THSD7A: variants seen among roughly 807,000 people sequenced by gnomAD.
THSD7A encodes the protein thrombospondin type-1 domain-containing protein 7A.
In THSD7A, 96 loss-of-function variants were observed where a neutral mutation model predicts 231.3. That is an observed-to-expected ratio of 0.41 (90% CI 0.35 to 0.49). THSD7A has a LOEUF of 0.49. Among genes scored for constraint, THSD7A ranks in the 20% least tolerant of loss-of-function variants. THSD7A has a pLI of 0.05. For missense variants in THSD7A, 2,290 were observed against 2,070.2 expected, an observed-to-expected ratio of 1.11 and a Z score of -2.06; for synonymous variants, 940 against 743.3, an observed-to-expected ratio of 1.26 and a Z score of -4.30.
intron 6 of THSD7A, among the ~76,000 whole-genome samples, chr7:11,499,473 A>G (rs1165718432): frequency 6.6e-6 from 1 of 152,220 alleles, no homozygotes; most frequent in African/African-American, 2.4e-5. Flanking sequence ...ACCAGACTCA[A>G]CTGGCTGAAA....
intron 1 of THSD7A, among the ~76,000 whole-genome samples, chr7:11,689,753 G>C (rs1780174386): frequency 6.7e-6 from 1 of 148,334 alleles, no homozygotes; most frequent in African/African-American, 2.5e-5. Flanking sequence ...GGTGAATATA[G>C]CTTTTTATGT....
rs1471652789 is a variant in THSD7A, at chr7:11,815,678, T to C, written c.190+16079A>G. 3.3e-5 allele frequency among the ~76,000 whole-genome samples: 5 copies of C among 152,284 alleles called. No individual in the cohort carries two copies. The East Asian group carries it at 9.6e-4, about 29-fold the overall frequency. ...TAGTTCATTTAGATGAACAATCATATAAAACTCATATATTCACATCTGACT... is the reference window on the plus strand; with the variant it reads ...TAGTTCATTTAGATGAACAATCATACAAAACTCATATATTCACATCTGACT... On this transcript the variant is annotated intron_variant, in intron 1 of 27. Coordinates refer to ENST00000423059, the MANE Select transcript of THSD7A (RefSeq NM_015204.3).
chr7:11,715,384 T>C (rs144723021), intron 1 of THSD7A, among the ~76,000 whole-genome samples: 9 of 151,432 alleles, frequency 5.9e-5, no homozygotes, highest in Non-Finnish European at 1.3e-4. Context: ...TTCTAAAATA[T>C]GCAGGAAAAA....
intron 8 of THSD7A, 34 bp from the exon 9 acceptor site, chr7:11,470,028 T>C (rs746600277): frequency 8.4e-5 from 115 of 1,371,772 alleles, no homozygotes; most frequent in Middle Eastern, 1.8e-4. Context: ...TAGGCTTCAA[T>C]AGTAAAGCAG....
intron 2 of THSD7A, among the ~76,000 whole-genome samples, chr7:11,597,893 C>T (rs1372378469): frequency 6.6e-6 from 1 of 152,182 alleles, no homozygotes; most frequent in Non-Finnish European, 1.5e-5. Flanking sequence ...ACTCCTGCCA[C>T]CCTGCCTTCT....
Position 11,474,395 on chromosome 7 carries a change from C to G in THSD7A, c.2191G>C (p.Gly731Arg). 4 of 1,613,424 alleles carry G rather than the reference C, an allele frequency of 2.5e-6. No individual in the cohort carries two copies. Among genetic ancestry groups the G allele is most frequent in the Non-Finnish European group, 3.4e-6 (4 of 1,179,564 alleles). Residue 731 changes from glycine (G) to arginine (R), a missense_variant, in exon 8 of 28, where the codon GGC becomes CGC. Gly to Arg is a moderately radical substitution (Grantham distance 125). Transcript: ENST00000423059. The surrounding 1 kb of genome is among the most constrained non-coding windows in gnomAD (Gnocchi z 4.1). ...TWNGEASCSV[G>R]MQTRKVICVR... ...CAGATGACTTTTCTTGTCTGCATGC[C>G]GACAGAGCAGGAGGCCTCCCCATTC...
intron 7 of THSD7A, among the ~76,000 whole-genome samples, chr7:11,478,873 A>G (rs1399414560): frequency 6.6e-6 from 1 of 152,184 alleles, no homozygotes; most frequent in African/African-American, 2.4e-5. Context: ...ATTTTAGCAC[A>G]CAATAGGATT....
At position 11,570,341 on chromosome 7, in the gene THSD7A, A is replaced by G. The variant is rs542839953; in HGVS notation, c.1453+20119T>C. Among the ~76,000 whole-genome samples, 7 of 152,288 alleles carry G rather than the reference A, an allele frequency of 4.6e-5. No homozygotes were observed. The East Asian group carries it at 5.8e-4, about 13-fold the overall frequency. On this transcript the variant is annotated intron_variant, in intron 4 of 27. Transcript: ENST00000423059. Reference sequence around the variant, plus strand: ...GAAAGTAGAATGATAGTTACCAGAGACAGAGAAGGGTAGTGGAAAGAGGGG... The same window carrying G: ...GAAAGTAGAATGATAGTTACCAGAGGCAGAGAAGGGTAGTGGAAAGAGGGG...
intron 1 of THSD7A, among the ~76,000 whole-genome samples, chr7:11,740,362 T>A (rs906469040): frequency 5.3e-5 from 8 of 151,986 alleles, no homozygotes; most frequent in African/African-American, 1.7e-4. Flanking sequence ...CTATCTACAT[T>A]GCACAGTGAT....
chr7:11,418,982 TA>T (rs1784051466), intron 16 of THSD7A, among the ~76,000 whole-genome samples: 1 of 152,098 alleles, frequency 6.6e-6, no homozygotes, highest in Non-Finnish European at 1.5e-5. Flanking sequence ...TCAATATCAT[TA>T]AAAAAATGTT....
At chr7:11,633,556 G>A (rs1228092692) in intron 2 of THSD7A, among the ~76,000 whole-genome samples, 1 of 152,166 alleles carries the variant, frequency 6.6e-6, no homozygotes, top group Non-Finnish European at 1.5e-5. Context: ...GAGATTCTGA[G>A]TGTTCATGAA....
At chr7:11,553,658 A>G (rs972341247) in intron 4 of THSD7A, among the ~76,000 whole-genome samples, 2 of 152,054 alleles carry the variant, frequency 1.3e-5, no homozygotes, top group Non-Finnish European at 2.9e-5. Context: ...CTTAATTTAA[A>G]GAGGATTCAA....
At chr7:11,774,844 C>T (rs1430270367) in intron 1 of THSD7A, among the ~76,000 whole-genome samples, 7 of 152,120 alleles carry the variant, frequency 4.6e-5, no homozygotes, top group Admixed American at 3.3e-4. Flanking sequence ...CACCTGAGGA[C>T]GGGAGTTCGA....
intron 6 of THSD7A, among the ~76,000 whole-genome samples, chr7:11,487,164 T>C (rs1786691522): frequency 6.6e-6 from 1 of 152,184 alleles, no homozygotes; most frequent in Non-Finnish European, 1.5e-5. Context: ...TCTATTTTCA[T>C]GAATGCCACC....
intron 1 of THSD7A, among the ~76,000 whole-genome samples, chr7:11,639,679 T>A (rs1782006080): frequency 6.6e-6 from 1 of 151,562 alleles, no homozygotes; most frequent in South Asian, 2.1e-4. Context: ...AAAAAAATAA[T>A]AATAATAAAT....
Position 11,740,303 on chromosome 7 carries a change from T to C in THSD7A, c.190+91454A>G, listed in dbSNP as rs115656412. Among the ~76,000 whole-genome samples the C allele has an allele frequency of 9.6e-3, 1,453 of 151,994 alleles. 16 individuals are homozygous for C. The highest frequency in any genetic ancestry group is 0.033 in the African/African-American group (1,373 of 41,484). On this transcript the variant is annotated intron_variant, in intron 1 of 27. Coordinates refer to ENST00000423059, the MANE Select transcript of THSD7A (RefSeq NM_015204.3). The stretch of plus-strand genomic sequence containing the variant: ...TCCCAGAGACGGGGACAGCTGAGCA[T>C]ATCTGACGAGGTACATGAGAGAAAT...
chr7:11,741,226 T>C (rs933775811), intron 1 of THSD7A, among the ~76,000 whole-genome samples: 1 of 151,978 alleles, frequency 6.6e-6, no homozygotes, highest in African/African-American at 2.4e-5. Context: ...ATGTTTTCAC[T>C]ATATTAGAGT....
At chr7:11,689,188 G>T (rs1238812844) in intron 1 of THSD7A, among the ~76,000 whole-genome samples, 4 of 151,806 alleles carry the variant, frequency 2.6e-5, no homozygotes, top group African/African-American at 7.2e-5. Context: ...ATTTGAAAAA[G>T]CATCTGCCCA....
Position 11,411,083 on chromosome 7 carries a change from T to G in THSD7A, c.3798+124A>C. On this transcript the variant is annotated intron_variant, in intron 19 of 27. Transcript: ENST00000423059. The surrounding 1 kb of genome is among the most constrained non-coding windows in gnomAD (Gnocchi z 4.1). ...TCTTTTCAAGAACATACTTAGCCTG[T>G]GAACAGTGCAGAAAAACATCTGCTG... 1 of 655,370 alleles carries G rather than the reference T, an allele frequency of 1.5e-6. No homozygotes were observed. Among genetic ancestry groups the G allele is most frequent in the Non-Finnish European group, 2.7e-6 (1 of 369,404 alleles). The allele number at this position is 655,370 out of a possible 1,614,324, so 40.6% of individuals were successfully genotyped here.
Sources: allele counts gnomAD v4.1 joint callset (sites outside exome capture counted in the v4.1 genomes callset), GRCh38; gene constraint gnomAD v4.1.1; non-coding constraint Gnocchi (gnomAD v3.1); transcripts MANE v1.5; gene names NCBI Gene and HGNC (gene_info 2026-07-23, HGNC 2026-07-21).